Variants in ENTHD1 observed in about 807,000 individuals in gnomAD.
ENTHD1 encodes the protein ENTH domain containing 1, also known as ENTH domain-containing protein 1.
In ENTHD1, 23 loss-of-function variants were observed where a neutral mutation model predicts 39.1. The observed-to-expected ratio is 0.59, with a 90% CI of 0.42 to 0.83. The LOEUF is 0.83. ENTHD1 is among the 40% of genes least tolerant of loss of function. The pLI, the probability that ENTHD1 is intolerant of heterozygous loss-of-function variation, is 0.00. For synonymous variants in ENTHD1, 230 were observed against 258.2 expected, an observed-to-expected ratio of 0.89 and a Z score of 1.05; for missense variants, 624 against 705.4, an observed-to-expected ratio of 0.88 and a Z score of 1.31.
intron 5 of ENTHD1, among the ~76,000 whole-genome samples, chr22:39,811,406 C>G (rs1277448542): frequency 6.6e-6 from 1 of 152,194 alleles, no homozygotes. Flanking sequence ...CTGAGGCAGA[C>G]AGGTGATCAA....
chr22:39,842,177 C>T (rs2065949434), intron 3 of ENTHD1, among the ~76,000 whole-genome samples: 1 of 150,456 alleles, frequency 6.6e-6, no homozygotes, highest in Admixed American at 6.6e-5. Context: ...ACATTTTTTC[C>T]TTCATTTCAA....
At chr22:39,796,824 T>A (rs1442786560) in intron 5 of ENTHD1, among the ~76,000 whole-genome samples, 2 of 152,230 alleles carry the variant, frequency 1.3e-5, no homozygotes, top group East Asian at 3.8e-4. Flanking sequence ...CACATGCTGA[T>A]GAGAAGACTG....
chr22:39,861,903 A>G lies in ENTHD1; in HGVS notation c.454T>C (p.Ser152Pro). The G allele has an allele frequency of 6.2e-7, 1 of 1,604,102 alleles. No homozygotes were observed. Among genetic ancestry groups the G allele is most frequent in the African/African-American group, 1.3e-5 (1 of 74,988 alleles). Residue 152 changes from serine (S) to proline (P), a missense_variant, in exon 3 of 7, where the codon TCC (serine) becomes CCC (proline). Physicochemically the swap from Ser to Pro is moderately conservative, Grantham distance 74. Transcript: ENST00000325157. Reference protein sequence around the residue: ...EVACRTRQRTSHSILFSKRQL... With the variant: ...EVACRTRQRTPHSILFSKRQL... ...CTTTTAGAAAACAATATAGAGTGGGAGGTACGCTGTCTAGTCCGACATGCC... is the reference window on the plus strand; with the variant it reads ...CTTTTAGAAAACAATATAGAGTGGGGGGTACGCTGTCTAGTCCGACATGCC...
rs78896565 is a variant in ENTHD1, at chr22:39,751,505, T to C, written c.1220-7222A>G. 7.3e-3 allele frequency among the ~76,000 whole-genome samples: 1,107 copies of C among 152,362 alleles called. 21 individuals are homozygous for C. The highest frequency in any genetic ancestry group is 0.025 in the African/African-American group (1,022 of 41,586). On this transcript the variant is annotated intron_variant, in intron 6 of 6. Transcript: ENST00000325157. Reference sequence around the variant, plus strand: ...CAACTGGCTACTGATGATAATTAGATGTACAGATGTTTTTTTCTTGCATGT... The same window carrying C: ...CAACTGGCTACTGATGATAATTAGACGTACAGATGTTTTTTTCTTGCATGT...
In ENTHD1 at chr22:39,779,370, A is replaced by C. The variant is rs994298774; in HGVS notation, c.833-13761T>G. On this transcript the variant is annotated intron_variant, in intron 5 of 6. Coordinates refer to ENST00000325157, the MANE Select transcript of ENTHD1 (RefSeq NM_152512.4). ...ATAAACCAAAACCAAAACCAAAAAC[A>C]AAAAACAAAACCAAGCAGATTTAAC... Among the ~76,000 whole-genome samples the C allele has an allele frequency of 1.1e-4, 17 of 152,266 alleles. No individual in the cohort carries two copies. The East Asian group carries it at 2.7e-3, about 24-fold the overall frequency.
At position 39,743,564 on chromosome 22, in the gene ENTHD1, G is replaced by C. The variant is rs769306841; in HGVS notation, c.*115C>G. 8.9e-5 allele frequency: 113 copies of C among 1,265,150 alleles called. No individual in the cohort carries two copies. The highest frequency in any genetic ancestry group is 1.1e-4 in the Non-Finnish European group (108 of 951,870). The allele number at this position is 1,265,150 out of a possible 1,614,324, so 78.4% of individuals were successfully genotyped here. A position where few individuals can be genotyped will look rare whatever the true frequency, so the allele number is the denominator to read the frequency against. On this transcript the variant is annotated 3_prime_UTR_variant, in exon 7 of 7. Coordinates refer to ENST00000325157, the MANE Select transcript of ENTHD1 (RefSeq NM_152512.4). ...AGATACTTGCTAATAAACCTGACAA[G>C]GAAAAATTAAACCATCCCCTTTTTT...
intron 2 of ENTHD1, among the ~76,000 whole-genome samples, chr22:39,877,798 C>T (rs1054624186): frequency 6.6e-6 from 1 of 152,160 alleles, no homozygotes; most frequent in Non-Finnish European, 1.5e-5. Flanking sequence ...GGGGTCTTAA[C>T]AGAGCCTAAC....
In ENTHD1 at chr22:39,854,218, A is replaced by T. The variant is rs138075835; in HGVS notation, c.592+7547T>A. Among the ~76,000 whole-genome samples the T allele has an allele frequency of 3.2e-3, 481 of 152,338 alleles. 4 individuals are homozygous for T. The highest frequency in any genetic ancestry group is 0.011 in the African/African-American group (462 of 41,586). On this transcript the variant is annotated intron_variant, in intron 3 of 6. Coordinates refer to ENST00000325157, the MANE Select transcript of ENTHD1 (RefSeq NM_152512.4). ...CAAACTCCACACAGACAGGGACCTC[A>T]GCCGGGAATTGATGTTTTTCTCATC...
At chr22:39,865,491 AATT>A (rs1225743874) in intron 2 of ENTHD1, among the ~76,000 whole-genome samples, 3 of 152,204 alleles carry the variant, frequency 2.0e-5, no homozygotes, top group Non-Finnish European at 4.4e-5. Context: ...CAACAGTAAT[AATT>A]AGCACCTTCT....
At chr22:39,760,525 C>G (rs2065224617) in intron 6 of ENTHD1, among the ~76,000 whole-genome samples, 1 of 151,832 alleles carries the variant, frequency 6.6e-6, no homozygotes. Context: ...ATTTAAAGCA[C>G]TTCCCTCATA....
chr22:39,871,218 A>AATAC (rs1569176947), intron 2 of ENTHD1, among the ~76,000 whole-genome samples: 4 of 146,892 alleles, frequency 2.7e-5, no homozygotes, highest in Admixed American at 1.4e-4. Flanking sequence ...TAAATAAATA[A>AATAC]ATACGGACCT....
rs560122290 is a variant in ENTHD1 at position 39,794,993 on chromosome 22, A to G, written c.832+26000T>C. Among the ~76,000 whole-genome samples the G allele has an allele frequency of 3.3e-5, 5 of 152,202 alleles. No homozygotes were observed. The South Asian group carries it at 8.3e-4, about 25-fold the overall frequency. ...TCATGAAGCGTCATTGGATTTTATCAAACGCTTTTTTGACATCTATTAAGA... is the reference window on the plus strand; with the variant it reads ...TCATGAAGCGTCATTGGATTTTATCGAACGCTTTTTTGACATCTATTAAGA... On this transcript the variant is annotated intron_variant, in intron 5 of 6. Transcript: ENST00000325157.
In ENTHD1 at chr22:39,817,452, TAAA is replaced by T. The variant is rs1203390777; in HGVS notation, c.832+3538_832+3540del. Among the ~76,000 whole-genome samples the T allele has an allele frequency of 3.3e-5, 5 of 152,106 alleles. No individual in the cohort carries two copies. The East Asian group carries it at 9.6e-4, about 29-fold the overall frequency. On this transcript the variant is annotated intron_variant, in intron 5 of 6. Transcript: ENST00000325157. Reference sequence around the variant, plus strand: ...GGATAGTCAAGTGATATTCTTAAGTTAAAAAAAGCTTCAGGAAAATGCAGAATA... The same window carrying T: ...GGATAGTCAAGTGATATTCTTAAGTTAAAAGCTTCAGGAAAATGCAGAATA...
chr22:39,763,009 T>C (rs570057262), intron 6 of ENTHD1, among the ~76,000 whole-genome samples: 96 of 152,248 alleles, frequency 6.3e-4, no homozygotes, highest in African/African-American at 2.2e-3. Context: ...CTGGAAAGGA[T>C]TGAATTGTCT....
At chr22:39,775,609 A>G (rs1402089820) in intron 5 of ENTHD1, among the ~76,000 whole-genome samples, 2 of 152,164 alleles carry the variant, frequency 1.3e-5, no homozygotes, top group Non-Finnish European at 2.9e-5. Context: ...TAACAATTCT[A>G]ACAGCTTGAT....
intron 5 of ENTHD1, among the ~76,000 whole-genome samples, chr22:39,794,161 T>C (rs1169923879): frequency 1.3e-5 from 2 of 152,214 alleles, no homozygotes; most frequent in Non-Finnish European, 2.9e-5. Context: ...GTTTTCCTTG[T>C]AGAGGTTTTT....
At chr22:39,829,825 T>A (rs1002590407) in intron 4 of ENTHD1, among the ~76,000 whole-genome samples, 26 of 151,336 alleles carry the variant, frequency 1.7e-4, no homozygotes, top group Admixed American at 5.3e-4. Context: ...AATAAATAAA[T>A]AAAATAATTT....
chr22:39,882,857 G>C (rs1447335451), intron 2 of ENTHD1, among the ~76,000 whole-genome samples: 1 of 151,898 alleles, frequency 6.6e-6, no homozygotes, highest in African/African-American at 2.4e-5. Flanking sequence ...ACGAAAATTA[G>C]CAGGGCATGG....
At chr22:39,888,736 A>AT (rs1329866279) in intron 1 of ENTHD1, among the ~76,000 whole-genome samples, 3 of 152,034 alleles carry the variant, frequency 2.0e-5, no homozygotes, top group African/African-American at 7.2e-5. Flanking sequence ...TGCCTGGCTA[A>AT]TTTTTAAATA....
Sources: allele counts gnomAD v4.1 joint callset (sites outside exome capture counted in the v4.1 genomes callset), GRCh38; gene constraint gnomAD v4.1.1; transcripts MANE v1.5; gene names NCBI Gene and HGNC (gene_info 2026-07-23, HGNC 2026-07-21).